Variants in NETO1 observed in about 807,000 individuals in gnomAD.
NETO1 encodes the protein neuropilin and tolloid like 1, also known as neuropilin and tolloid-like protein 1.
Under a neutral mutation model 61.3 loss-of-function variants are expected in NETO1, and 26 were observed. The observed-to-expected ratio is 0.42, with a 90% CI of 0.31 to 0.59. The LOEUF (loss-of-function observed/expected upper bound fraction) is 0.59, where lower values mean the gene tolerates loss of function less well. Ranked by LOEUF, NETO1 falls within the 20% of genes least tolerant of loss-of-function variation. The pLI is 0.12. For missense variants in NETO1, 531 were observed against 662.8 expected, an observed-to-expected ratio of 0.80 and a Z score of 2.18; for synonymous variants, 225 against 225.8, an observed-to-expected ratio of 1.00 and a Z score of 0.03.
intron 8 of NETO1, among the ~76,000 whole-genome samples, chr18:72,755,287 A>G (rs1171274620): frequency 4.6e-5 from 7 of 152,196 alleles, no homozygotes; most frequent in African/African-American, 4.8e-5. Flanking sequence ...GTATGAAACA[A>G]TGAATACTGT....
chr18:72,763,671 A>T lies in NETO1; in HGVS notation c.869-7524T>A, dbSNP rs561893761. On this transcript the variant is annotated intron_variant, in intron 7 of 10. Transcript: ENST00000327305. ...ATACACACACCACACAGCCACAGTC[A>T]CACCTCTAGGTCTCCTACTTCTGCT... 2.0e-5 allele frequency among the ~76,000 whole-genome samples: 3 copies of T among 152,122 alleles called. No individual in the cohort carries two copies. In the South Asian group the frequency reaches 6.2e-4, roughly 32 times the overall value.
In NETO1 at chr18:72,772,753, A is replaced by ATATATC. The variant is rs1160743583; in HGVS notation, c.868+10919_868+10924dup. Among the ~76,000 whole-genome samples, 156 of 32,040 alleles carry ATATATC rather than the reference A, an allele frequency of 4.9e-3. 1 individual carries two copies. Among genetic ancestry groups the ATATATC allele is most frequent in the African/African-American group, 0.023 (138 of 5,982 alleles). The allele number at this position is 32,040 out of a possible 152,430, so 21.0% of individuals were successfully genotyped here. ...CATGTACACACACACATCTCTCTATATATATCTATATATATATATATATAC... is the reference window on the plus strand; with the variant it reads ...CATGTACACACACACATCTCTCTATATATATCTATATCTATATATATATATATATAC... On this transcript the variant is annotated intron_variant, in intron 7 of 10. Transcript: ENST00000327305.
intron 4 of NETO1, among the ~76,000 whole-genome samples, chr18:72,813,259 A>G (rs2072927187): frequency 6.6e-6 from 1 of 152,212 alleles, no homozygotes; most frequent in African/African-American, 2.4e-5. Flanking sequence ...GATTATCCAA[A>G]TATCTTAAAC....
chr18:72,860,223 T>C (rs2074528775), intron 3 of NETO1, among the ~76,000 whole-genome samples: 1 of 152,188 alleles, frequency 6.6e-6, no homozygotes, highest in South Asian at 2.1e-4. Flanking sequence ...GCCCTCTGAG[T>C]GCTTCCCTGC....
intron 4 of NETO1, among the ~76,000 whole-genome samples, chr18:72,808,078 T>C (rs1283560232): frequency 1.3e-5 from 2 of 152,192 alleles, no homozygotes; most frequent in South Asian, 2.1e-4. Flanking sequence ...CCTCCATTAT[T>C]ATCCTCTTTT....
intron 6 of NETO1, among the ~76,000 whole-genome samples, chr18:72,791,786 G>GA: frequency 6.6e-6 from 1 of 152,216 alleles, no homozygotes; most frequent in African/African-American, 2.4e-5. Flanking sequence ...TAGAGTCTAA[G>GA]AAAAATAAAT....
intron 7 of NETO1, among the ~76,000 whole-genome samples, chr18:72,770,366 T>C (rs12961077): frequency 0.32 from 49,055 of 151,962 alleles, 8,549 homozygotes; most frequent in South Asian, 0.48. Flanking sequence ...ATGATGTTTC[T>C]GTATTAATAA....
rs139074044 is a variant in NETO1 at position 72,796,706 on chromosome 18, C to T, written c.470-2302G>A. Among the ~76,000 whole-genome samples, 143 of 152,062 alleles carry T rather than the reference C, an allele frequency of 9.4e-4. No individual in the cohort carries two copies. The East Asian group carries it at 0.022, about 23-fold the overall frequency. On this transcript the variant is annotated intron_variant, in intron 4 of 10. Transcript: ENST00000327305. ...GTCTCGATCTCCTGACCTCATGATCCGTCCTCCTTGGCCTCCCAAAGTGCT... is the reference window on the plus strand; with the variant it reads ...GTCTCGATCTCCTGACCTCATGATCTGTCCTCCTTGGCCTCCCAAAGTGCT...
chr18:72,800,110 A>G (rs1445674216), intron 4 of NETO1, among the ~76,000 whole-genome samples: 1 of 152,234 alleles, frequency 6.6e-6, no homozygotes, highest in Non-Finnish European at 1.5e-5. Context: ...CACCCATCTC[A>G]GCTTTCAGAA....
At chr18:72,823,921 G>A (rs1374045430) in intron 4 of NETO1, among the ~76,000 whole-genome samples, 3 of 151,994 alleles carry the variant, frequency 2.0e-5, no homozygotes, top group Admixed American at 6.6e-5. Context: ...TGCAGCTCCC[G>A]ATACACAATG....
At chr18:72,840,160 C>T (rs1462674999) in intron 4 of NETO1, among the ~76,000 whole-genome samples, 4 of 152,166 alleles carry the variant, frequency 2.6e-5, no homozygotes, top group Admixed American at 6.5e-5. Flanking sequence ...ATGTAAAATT[C>T]CTCATCAGTA....
chr18:72,781,561 T>C (rs2071741476), intron 7 of NETO1, among the ~76,000 whole-genome samples: 1 of 152,228 alleles, frequency 6.6e-6, no homozygotes, highest in South Asian at 2.1e-4. Context: ...ACATGCTAGA[T>C]GATGGTGTCA....
chr18:72,786,472 C>G (rs139248001), intron 6 of NETO1, among the ~76,000 whole-genome samples: 1 of 152,194 alleles, frequency 6.6e-6, no homozygotes. Context: ...GATTTTCATA[C>G]ATGAGCAATT....
chr18:72,852,833 C>CTTT (rs71166431), intron 4 of NETO1, among the ~76,000 whole-genome samples: 28 of 132,260 alleles, frequency 2.1e-4, no homozygotes, highest in South Asian at 4.9e-4. Flanking sequence ...TTTTCTTTTT[C>CTTT]TTTTTTTTTT....
In NETO1 at chr18:72,747,281, A is replaced by G. The variant is rs1403660798; in HGVS notation, c.*898T>C. 2 of 152,058 alleles carry G rather than the reference A, an allele frequency of 1.3e-5. No homozygotes were observed. Among genetic ancestry groups the G allele is most frequent in the Non-Finnish European group, 2.9e-5 (2 of 67,962 alleles). 9.4% of individuals were successfully genotyped at this position (152,058 alleles called of 1,614,324 possible). ...ATATAAAAAGTCGTAAGTAGCAAGC[A>G]TATGACATAAAGAAATGGAAGAGTA... On this transcript the variant is annotated 3_prime_UTR_variant, in exon 11 of 11. Coordinates refer to ENST00000327305, the MANE Select transcript of NETO1 (RefSeq NM_138966.5).
At chr18:72,858,535 T>G (rs2074472556) in intron 4 of NETO1, among the ~76,000 whole-genome samples, 1 of 152,194 alleles carries the variant, frequency 6.6e-6, no homozygotes, top group Non-Finnish European at 1.5e-5. Context: ...TATCACAGAC[T>G]GTCTCTCCAA....
downstream of NETO1, among the ~76,000 whole-genome samples, chr18:72,743,315 G>T (rs1332412894): frequency 4.6e-5 from 7 of 152,044 alleles, no homozygotes. Context: ...ACTACTATTT[G>T]ACCATTGTCT....
intron 4 of NETO1, among the ~76,000 whole-genome samples, chr18:72,798,594 A>G (rs2170876): frequency 0.71 from 108,691 of 152,018 alleles, 40,379 homozygotes; most frequent in East Asian, 0.92. Context: ...TCCGCATGTG[A>G]CACACCCATT....
intron 4 of NETO1, among the ~76,000 whole-genome samples, chr18:72,851,756 G>A (rs906805682): frequency 6.6e-5 from 10 of 152,084 alleles, no homozygotes; most frequent in East Asian, 1.9e-4. Context: ...GGTGAAACGC[G>A]GGTGATATAT....
Sources: allele counts gnomAD v4.1 joint callset (sites outside exome capture counted in the v4.1 genomes callset), GRCh38; gene constraint gnomAD v4.1.1; transcripts MANE v1.5; gene names NCBI Gene and HGNC (gene_info 2026-07-23, HGNC 2026-07-21).